TET1: variants seen among roughly 807,000 people sequenced by gnomAD.
TET1 encodes the protein tet methylcytosine dioxygenase 1.
TET1 carries 13 observed loss-of-function variants against 148.7 expected under a neutral mutation model. The ratio of observed to expected loss-of-function variants is 0.09; its 90% CI spans 0.06 to 0.14. The LOEUF (loss-of-function observed/expected upper bound fraction) is 0.14, where lower values mean the gene tolerates loss of function less well. TET1 is among the 10% of genes least tolerant of loss of function. TET1 has a pLI of 1.00. For synonymous variants in TET1, 907 were observed against 937.2 expected (o/e 0.97, Z 0.59); for missense variants, 2,182 against 2,553.8 (o/e 0.85, Z 3.14).
intron 3 of TET1, among the ~76,000 whole-genome samples, chr10:68,640,719 T>C (rs1308955452): frequency 1.3e-5 from 2 of 150,710 alleles, no homozygotes; most frequent in African/African-American, 2.4e-5. Flanking sequence ...ACCCGGCTAA[T>C]TTTTTTGTAT....
chr10:68,585,140 G>A (rs1276962678), intron 2 of TET1, among the ~76,000 whole-genome samples: 6 of 152,130 alleles, frequency 3.9e-5, no homozygotes, highest in Non-Finnish European at 8.8e-5. Flanking sequence ...GAGTAGCTGG[G>A]ATTAAAGGCA....
chr10:68,683,791 A>C (rs1419280875), intron 10 of TET1, among the ~76,000 whole-genome samples: 1 of 152,226 alleles, frequency 6.6e-6, no homozygotes, highest in African/African-American at 2.4e-5. Context: ...TGTTTTTGCC[A>C]TCTGCACTTC....
chr10:68,583,610 A>G (rs927992749), intron 2 of TET1, among the ~76,000 whole-genome samples: 6 of 152,150 alleles, frequency 3.9e-5, no homozygotes, highest in Non-Finnish European at 7.3e-5. Flanking sequence ...CTGCAGAGAG[A>G]GCAGTAGAAG....
intron 10 of TET1, among the ~76,000 whole-genome samples, chr10:68,684,682 C>G (rs1407745298): frequency 6.6e-6 from 1 of 152,106 alleles, no homozygotes; most frequent in African/African-American, 2.4e-5. Flanking sequence ...CTCCAAATTC[C>G]CCCATCTTCA....
intron 3 of TET1, among the ~76,000 whole-genome samples, chr10:68,644,341 C>T (rs557667481): frequency 1.3e-5 from 2 of 152,116 alleles, no homozygotes; most frequent in South Asian, 2.1e-4. Context: ...TAGCTGGGGC[C>T]GCAGGTGTGC....
intron 3 of TET1, among the ~76,000 whole-genome samples, chr10:68,630,411 A>T (rs373035602): frequency 1.3e-5 from 2 of 152,150 alleles, no homozygotes; most frequent in East Asian, 3.8e-4. Context: ...TCCCATGTTC[A>T]AGATATTCTC....
chr10:68,638,765 T>TGTG (rs2054693075), intron 3 of TET1, among the ~76,000 whole-genome samples: 1 of 140,824 alleles, frequency 7.1e-6, no homozygotes, highest in South Asian at 2.4e-4. Context: ...TGTATGGAGT[T>TGTG]TGTGTGTGTG....
intron 8 of TET1, among the ~76,000 whole-genome samples, chr10:68,679,329 ACT>A (rs2133215048): frequency 6.6e-6 from 1 of 152,308 alleles, no homozygotes; most frequent in Admixed American, 6.5e-5. Context: ...AGGACTTGTG[ACT>A]CTGTGTGGTC....
In TET1 at chr10:68,692,670, G is replaced by A. The variant is rs777604525; in HGVS notation, c.*856G>A. 58 of 231,502 alleles carry A rather than the reference G, an allele frequency of 2.5e-4. No individual in the cohort carries two copies. The highest frequency in any genetic ancestry group is 1.3e-3 in the Middle Eastern group (1 of 770). The allele number at this position is 231,502 out of a possible 1,614,324, so 14.3% of individuals were successfully genotyped here. ...TAAAATAGTTAGATAATGAGAAGTT[G>A]TTAATTATCTCTAAAATTGGAATTA... On this transcript the variant is annotated 3_prime_UTR_variant, in exon 12 of 12. Transcript: ENST00000373644.
chr10:68,591,524 T>C (rs1415426103), intron 2 of TET1, among the ~76,000 whole-genome samples: 1 of 152,174 alleles, frequency 6.6e-6, no homozygotes, highest in Admixed American at 6.5e-5. Context: ...TGCTTCTCCA[T>C]AGATTGTGTG....
chr10:68,636,547 C>T (rs1475454417), intron 3 of TET1, among the ~76,000 whole-genome samples: 1 of 152,176 alleles, frequency 6.6e-6, no homozygotes, highest in East Asian at 1.9e-4. Flanking sequence ...AGAGTGAGAC[C>T]TTGTCTCTAC....
chr10:68,655,472 TA>T (rs2055007735), intron 6 of TET1, among the ~76,000 whole-genome samples: 1 of 152,190 alleles, frequency 6.6e-6, no homozygotes, highest in Admixed American at 6.5e-5. Flanking sequence ...CTTTGTCTAT[TA>T]AGTGGTAAGG....
chr10:68,659,868 C>T (rs905286366), intron 6 of TET1, among the ~76,000 whole-genome samples: 2 of 152,108 alleles, frequency 1.3e-5, no homozygotes, highest in African/African-American at 2.4e-5. Context: ...TTCAGAACCC[C>T]GTTGTGTGAA....
intron 3 of TET1, among the ~76,000 whole-genome samples, chr10:68,606,600 C>CAA: frequency 7.2e-6 from 1 of 138,890 alleles, no homozygotes; most frequent in African/African-American, 2.8e-5. Context: ...AGGGGAAAAA[C>CAA]AAAAACAAAA....
intron 2 of TET1, among the ~76,000 whole-genome samples, chr10:68,597,953 C>G (rs2054006919): frequency 1.3e-5 from 2 of 152,084 alleles, no homozygotes; most frequent in South Asian, 4.1e-4. Flanking sequence ...TCAGTATGGG[C>G]TGGGGGAAGG....
chr10:68,591,796 G>A lies in TET1; in HGVS notation c.1915-9185G>A, dbSNP rs542274143. On this transcript the variant is annotated intron_variant, in intron 2 of 11. Coordinates refer to ENST00000373644, the MANE Select transcript of TET1 (RefSeq NM_030625.3). ...TGGGCACCTGTAGTCCCAGCTACTG[G>A]CTGGAGGCTGAGGCAGGAGAATGGT... 2.0e-5 allele frequency among the ~76,000 whole-genome samples: 3 copies of A among 151,972 alleles called. No individual in the cohort carries two copies. In the South Asian group the frequency reaches 6.2e-4, roughly 32 times the overall value.
chr10:68,616,124 A>G (rs1308183855), intron 3 of TET1, among the ~76,000 whole-genome samples: 6 of 152,230 alleles, frequency 3.9e-5, no homozygotes, highest in African/African-American at 9.6e-5. Context: ...TATTTAATCT[A>G]CTAATAAGGA....
chr10:68,632,392 G>A (rs928569021), intron 3 of TET1: 5 of 1,608,614 alleles, frequency 3.1e-6, no homozygotes, highest in Non-Finnish European at 4.2e-6. Flanking sequence ...GCCGGAGCCC[G>A]GTGAGCCCGA....
chr10:68,574,665 G>C (rs2133691843), intron 2 of TET1, among the ~76,000 whole-genome samples: 1 of 152,260 alleles, frequency 6.6e-6, no homozygotes, highest in East Asian at 1.9e-4. Context: ...CTCCATAGCA[G>C]CCTGAAAAAC....
Sources: gnomAD v4.1 joint callset for allele counts (sites outside exome capture counted in the v4.1 genomes callset) on GRCh38, gnomAD v4.1.1 for gene constraint, MANE v1.5 for transcripts, NCBI Gene and HGNC (gene_info 2026-07-23, HGNC 2026-07-21) for gene names.